ADAMTS6: variants seen among roughly 807,000 people sequenced by gnomAD.
ADAMTS6 encodes the protein ADAM metallopeptidase with thrombospondin type 1 motif 6.
Under a neutral mutation model 144.3 loss-of-function variants are expected in ADAMTS6, and 23 were observed. That is an observed-to-expected ratio of 0.16 (90% CI 0.11 to 0.23). The LOEUF is 0.23. Ranked by LOEUF, ADAMTS6 falls within the 10% of genes least tolerant of loss-of-function variation. The pLI is 1.00. For missense variants in ADAMTS6, 999 were observed against 1,379.6 expected (o/e 0.72, Z 4.37); for synonymous variants, 444 against 457.5 (o/e 0.97, Z 0.38).
chr5:65,374,547 T>C (rs1425920325), intron 7 of ADAMTS6, among the ~76,000 whole-genome samples: 3 of 151,716 alleles, frequency 2.0e-5, no homozygotes, highest in Non-Finnish European at 2.9e-5. Context: ...GAATCCAACT[T>C]ACAAGGGATG....
chr5:65,177,362 A>C (rs1449357008), intron 22 of ADAMTS6, among the ~76,000 whole-genome samples: 2 of 152,156 alleles, frequency 1.3e-5, no homozygotes, highest in Non-Finnish European at 2.9e-5. Context: ...TTTCGCCTCA[A>C]ACTATTGCAT....
At chr5:65,239,330 CACAGG>C (rs1379646698) in intron 15 of ADAMTS6, among the ~76,000 whole-genome samples, 23 of 150,354 alleles carry the variant, frequency 1.5e-4, no homozygotes, top group Admixed American at 1.5e-3. Context: ...GTAGTACTGG[CACAGG>C]ACTGACAGAT....
At chr5:65,373,362 A>G (rs1318347467) in intron 7 of ADAMTS6, among the ~76,000 whole-genome samples, 3 of 151,588 alleles carry the variant, frequency 2.0e-5, no homozygotes, top group Non-Finnish European at 2.9e-5. Flanking sequence ...AACAGCTAGC[A>G]AGACTAATAA....
intron 10 of ADAMTS6, among the ~76,000 whole-genome samples, chr5:65,297,505 A>G (rs1177563455): frequency 6.6e-6 from 1 of 152,200 alleles, no homozygotes; most frequent in Non-Finnish European, 1.5e-5. Context: ...TTCATCTTTC[A>G]AGATTCTTTT....
intron 3 of ADAMTS6, among the ~76,000 whole-genome samples, chr5:65,460,605 T>C (rs1023458685): frequency 3.3e-5 from 5 of 152,246 alleles, no homozygotes; most frequent in African/African-American, 9.6e-5. Flanking sequence ...ACAACGACTC[T>C]GTGAGGTAAC....
intron 12 of ADAMTS6, among the ~76,000 whole-genome samples, chr5:65,265,707 A>G (rs1040808309): frequency 6.6e-6 from 1 of 151,986 alleles, no homozygotes; most frequent in Non-Finnish European, 1.5e-5. Context: ...TTGATTTTAC[A>G]TTTATTTTAT....
At chr5:65,302,383 C>T (rs1157122769) in intron 9 of ADAMTS6, among the ~76,000 whole-genome samples, 1 of 145,450 alleles carries the variant, frequency 6.9e-6, no homozygotes, top group Admixed American at 7.0e-5. Context: ...ATATATTATA[C>T]ATAAATATAT....
chr5:65,231,572 C>G (rs1007079720), intron 15 of ADAMTS6, among the ~76,000 whole-genome samples: 1 of 152,082 alleles, frequency 6.6e-6, no homozygotes, highest in African/African-American at 2.4e-5. Flanking sequence ...AGCATCAAAA[C>G]ATACTGTCTT....
At chr5:65,233,942 T>C (rs547600086) in intron 15 of ADAMTS6, among the ~76,000 whole-genome samples, 20 of 152,030 alleles carry the variant, frequency 1.3e-4, no homozygotes, top group African/African-American at 4.3e-4. Context: ...AGTAGAGCAA[T>C]GGGACAAATA....
intron 15 of ADAMTS6, among the ~76,000 whole-genome samples, chr5:65,236,757 T>C (rs760998776): frequency 2.6e-5 from 4 of 151,622 alleles, no homozygotes; most frequent in Non-Finnish European, 4.4e-5. Flanking sequence ...ACATCAAATT[T>C]TGGAAATGTA....
At chr5:65,454,677 T>G (rs1243183479) in intron 4 of ADAMTS6, among the ~76,000 whole-genome samples, 2 of 152,238 alleles carry the variant, frequency 1.3e-5, no homozygotes, top group Admixed American at 6.5e-5. Flanking sequence ...TTGTAGCATT[T>G]GTCTAGAGTC....
intron 9 of ADAMTS6, among the ~76,000 whole-genome samples, chr5:65,325,659 A>C (rs1746093520): frequency 1.3e-5 from 2 of 151,912 alleles, no homozygotes; most frequent in Non-Finnish European, 2.9e-5. Flanking sequence ...ACACCTTGCT[A>C]ATTTCTGTAT....
chr5:65,320,283 T>C (rs1745481137), intron 9 of ADAMTS6, among the ~76,000 whole-genome samples: 1 of 152,132 alleles, frequency 6.6e-6, no homozygotes, highest in Admixed American at 6.5e-5. Context: ...TAAAAAACAA[T>C]AACAGCGTAT....
chr5:65,200,222 A>G (rs1580032802), intron 20 of ADAMTS6, among the ~76,000 whole-genome samples: 1 of 152,260 alleles, frequency 6.6e-6, no homozygotes, highest in Admixed American at 6.5e-5. Context: ...TTTTTAAGTC[A>G]GTAGCAACAG....
At chr5:65,373,833 G>T (rs959454240) in intron 7 of ADAMTS6, among the ~76,000 whole-genome samples, 2 of 151,988 alleles carry the variant, frequency 1.3e-5, no homozygotes, top group African/African-American at 4.8e-5. Context: ...CAATATCCTT[G>T]ATGAACATTG....
At chr5:65,398,086 G>T (rs1011101887) in intron 7 of ADAMTS6, among the ~76,000 whole-genome samples, 1 of 152,076 alleles carries the variant, frequency 6.6e-6, no homozygotes, top group Non-Finnish European at 1.5e-5. Flanking sequence ...AGCTTGAGAA[G>T]AATATATATT....
intron 22 of ADAMTS6, 63 bp downstream of exon 22, chr5:65,187,953 C>A: frequency 6.5e-7 from 1 of 1,531,014 alleles, no homozygotes; most frequent in Admixed American, 1.7e-5. Context: ...TTAATATTAA[C>A]TGCTTTAGGA....
intron 12 of ADAMTS6, among the ~76,000 whole-genome samples, chr5:65,264,553 C>G (rs1404648392): frequency 6.6e-6 from 1 of 152,150 alleles, no homozygotes; most frequent in Non-Finnish European, 1.5e-5. Context: ...AACAGTGATT[C>G]TGTCCTACTG....
chr5:65,425,878 C>T (rs1204463413), intron 7 of ADAMTS6, among the ~76,000 whole-genome samples: 4 of 151,980 alleles, frequency 2.6e-5, no homozygotes, highest in Non-Finnish European at 5.9e-5. Flanking sequence ...ATTCTCCTGC[C>T]TCAGCCTCCC....
Sources: allele counts gnomAD v4.1 joint callset (sites outside exome capture counted in the v4.1 genomes callset), GRCh38; gene constraint gnomAD v4.1.1; transcripts MANE v1.5; gene names NCBI Gene and HGNC (gene_info 2026-07-23, HGNC 2026-07-21).